Variants in ZFAND3 observed in about 807,000 individuals in gnomAD.
The protein encoded by ZFAND3 is AN1-type zinc finger protein 3.
ZFAND3 carries 10 observed loss-of-function variants against 29.6 expected under a neutral mutation model. That is an observed-to-expected ratio of 0.34 (90% CI 0.21 to 0.57). The LOEUF is 0.57. Among genes scored for constraint, ZFAND3 ranks in the 20% least tolerant of loss-of-function variants. The probability of loss-of-function intolerance (pLI) is 0.86; values close to 1 mark genes in which losing one functional copy is unlikely to be tolerated. For synonymous variants in ZFAND3, 128 were observed against 112.6 expected, an observed-to-expected ratio of 1.14 and a Z score of -0.87; for missense variants, 230 against 304.5, an observed-to-expected ratio of 0.76 and a Z score of 1.82.
At chr6:37,957,885 A>G (rs554385733) in intron 2 of ZFAND3, among the ~76,000 whole-genome samples, 9 of 152,310 alleles carry the variant, frequency 5.9e-5, no homozygotes, top group South Asian at 2.1e-4. Context: ...AAAAACTCCA[A>G]TATGCTGTGT....
chr6:38,122,157 G>A (rs1044766599), intron 5 of ZFAND3, among the ~76,000 whole-genome samples: 32 of 152,078 alleles, frequency 2.1e-4, no homozygotes, highest in Non-Finnish European at 2.5e-4. Context: ...TGGTATCTGC[G>A]GGGAATCGGC....
At chr6:38,045,393 C>A (rs1476984919) in intron 2 of ZFAND3, among the ~76,000 whole-genome samples, 1 of 152,034 alleles carries the variant, frequency 6.6e-6, no homozygotes, top group Non-Finnish European at 1.5e-5. Flanking sequence ...CCGGCCATTC[C>A]TATGTCGAAA....
chr6:38,121,582 C>T (rs1765534848), intron 5 of ZFAND3, among the ~76,000 whole-genome samples: 1 of 152,144 alleles, frequency 6.6e-6, no homozygotes, highest in Admixed American at 6.5e-5. Context: ...CCCTCTATCC[C>T]TCCCCTCACC....
intron 4 of ZFAND3, among the ~76,000 whole-genome samples, chr6:38,089,702 G>A (rs1764826656): frequency 6.6e-6 from 1 of 152,162 alleles, no homozygotes; most frequent in Non-Finnish European, 1.5e-5. Flanking sequence ...TGTGTGTTCT[G>A]TCTCCTGGTA....
chr6:37,970,034 A>G (rs1762359090), intron 2 of ZFAND3, among the ~76,000 whole-genome samples: 1 of 152,166 alleles, frequency 6.6e-6, no homozygotes, highest in Admixed American at 6.5e-5. Context: ...AGGCTGAGAC[A>G]CAAGAATCGC....
intron 2 of ZFAND3, among the ~76,000 whole-genome samples, chr6:38,021,469 C>A (rs1292043818): frequency 1.3e-5 from 2 of 152,032 alleles, no homozygotes; most frequent in East Asian, 1.9e-4. Flanking sequence ...TTCAATGATA[C>A]CCCCAGGACT....
chr6:37,966,178 AGACAGT>A (rs558047942), intron 2 of ZFAND3, among the ~76,000 whole-genome samples: 9 of 152,212 alleles, frequency 5.9e-5, no homozygotes, highest in Non-Finnish European at 1.2e-4. Flanking sequence ...TTCTATGCAA[AGACAGT>A]GACAGACCAT....
At chr6:38,144,215 TA>T in intron 5 of ZFAND3, among the ~76,000 whole-genome samples, 1 of 40,840 alleles carries the variant, frequency 2.4e-5, no homozygotes, top group East Asian at 4.0e-4. Context: ...ATATATAATA[TA>T]TAATATATAT....
chr6:37,972,194 A>G (rs1296958163), intron 2 of ZFAND3, among the ~76,000 whole-genome samples: 1 of 152,146 alleles, frequency 6.6e-6, no homozygotes, highest in Non-Finnish European at 1.5e-5. Context: ...CTCACTCAGC[A>G]CATTACCCAT....
At position 38,103,608 on chromosome 6, in the gene ZFAND3, T is replaced by C. The variant is rs183741544; in HGVS notation, c.362-12964T>C. Reference sequence around the variant, plus strand: ...CTTTTGGCAGATGAAAAATCTTGGCTGATTTTGCTCTTCTGATAAATACTG... The same window carrying C: ...CTTTTGGCAGATGAAAAATCTTGGCCGATTTTGCTCTTCTGATAAATACTG... On this transcript the variant is annotated intron_variant, in intron 4 of 5. Transcript: ENST00000287218. Among the ~76,000 whole-genome samples the C allele has an allele frequency of 4.6e-5, 7 of 152,204 alleles. No individual in the cohort carries two copies. The East Asian group carries it at 1.4e-3, about 29-fold the overall frequency.
chr6:37,857,364 C>T (rs764448616), intron 1 of ZFAND3, among the ~76,000 whole-genome samples: 4 of 151,706 alleles, frequency 2.6e-5, no homozygotes, highest in Non-Finnish European at 5.9e-5. Context: ...ACAAATGAAG[C>T]GAATACAAGT....
intron 2 of ZFAND3, among the ~76,000 whole-genome samples, chr6:38,027,984 G>A (rs1763481185): frequency 6.6e-6 from 1 of 152,178 alleles, no homozygotes; most frequent in South Asian, 2.1e-4. Context: ...GTGGTTAGCC[G>A]GCATTCCCCA....
intron 2 of ZFAND3, among the ~76,000 whole-genome samples, chr6:37,933,264 A>G (rs1444352980): frequency 6.6e-6 from 1 of 152,242 alleles, no homozygotes; most frequent in Non-Finnish European, 1.5e-5. Flanking sequence ...CCTTTTCAAA[A>G]TCTATGTGGT....
intron 2 of ZFAND3, among the ~76,000 whole-genome samples, chr6:38,041,692 T>C (rs1226236666): frequency 7.4e-5 from 2 of 26,900 alleles, no homozygotes; most frequent in Non-Finnish European, 6.5e-5. Flanking sequence ...CTTCTCCTTC[T>C]CCTTCTCCTC....
chr6:38,138,322 A>G (rs972165702), intron 5 of ZFAND3, among the ~76,000 whole-genome samples: 1 of 152,188 alleles, frequency 6.6e-6, no homozygotes, highest in African/African-American at 2.4e-5. Context: ...GCTAAATATC[A>G]TTTTATACAA....
chr6:38,091,088 A>C (rs1417834526), intron 4 of ZFAND3, among the ~76,000 whole-genome samples: 2 of 152,258 alleles, frequency 1.3e-5, no homozygotes, highest in Non-Finnish European at 2.9e-5. Flanking sequence ...ACATCAAGCC[A>C]GGATGCAGTC....
rs373349669 is a variant in ZFAND3 at position 37,835,464 on chromosome 6, G to GTTT, written c.71+15465_71+15467dup. Among the ~76,000 whole-genome samples, 1,964 of 137,090 alleles carry GTTT rather than the reference G, an allele frequency of 0.014. 218 individuals are homozygous for GTTT. In the East Asian group the frequency reaches 0.29, roughly 20 times the overall value. The allele number at this position is 137,090 out of a possible 152,430, so 89.9% of individuals were successfully genotyped here. ...GAGCCACCATGCCTGGCCTGTAAGA[G>GTTT]TTTTTTTTTTTTTTTTTTTAAATGT... On this transcript the variant is annotated intron_variant, in intron 1 of 5. Coordinates refer to ENST00000287218, the MANE Select transcript of ZFAND3 (RefSeq NM_021943.3).
At chr6:38,061,425 A>G (rs1764236844) in intron 2 of ZFAND3, among the ~76,000 whole-genome samples, 168 bp from the exon 3 acceptor site, 1 of 152,180 alleles carries the variant, frequency 6.6e-6, no homozygotes, top group Non-Finnish European at 1.5e-5. Flanking sequence ...ACCTTCCACT[A>G]ATCTTAAACG....
At chr6:37,910,480 A>G (rs1765499834) in intron 1 of ZFAND3, among the ~76,000 whole-genome samples, 1 of 152,178 alleles carries the variant, frequency 6.6e-6, no homozygotes. Context: ...GACTTTTTAA[A>G]TCTTGCAAAT....
Sources: gnomAD v4.1 joint callset for allele counts (sites outside exome capture counted in the v4.1 genomes callset) on GRCh38, gnomAD v4.1.1 for gene constraint, MANE v1.5 for transcripts, NCBI Gene and HGNC (gene_info 2026-07-23, HGNC 2026-07-21) for gene names.